Variants in PARVB observed in about 807,000 individuals in gnomAD.
PARVB encodes the protein beta-parvin.
A neutral mutation model predicts 47.0 loss-of-function variants in PARVB; 46 were observed. That is an observed-to-expected ratio of 0.98 (90% CI 0.77 to 1.25). The LOEUF is 1.25. PARVB is among the 50% of genes most tolerant of loss of function. The probability of loss-of-function intolerance (pLI) is 0.00; values close to 1 mark genes in which losing one functional copy is unlikely to be tolerated. For synonymous variants in PARVB, 196 were observed against 196.3 expected, an observed-to-expected ratio of 1.00 and a Z score of 0.01; for missense variants, 473 against 471.6, an observed-to-expected ratio of 1.00 and a Z score of -0.03.
Position 44,136,523 on chromosome 22 carries a change from G to A in PARVB, c.692+5G>A. The A allele has an allele frequency of 6.2e-7, 1 of 1,613,316 alleles. No homozygotes were observed. The highest frequency in any genetic ancestry group is 8.5e-7 in the Non-Finnish European group (1 of 1,179,310). Reference sequence around the variant, plus strand: ...GGAGCTGACCACAACTACAGAGTAAGTGGACCCCTGTCTTGCCCTTCCAGG... The same window carrying A: ...GGAGCTGACCACAACTACAGAGTAAATGGACCCCTGTCTTGCCCTTCCAGG... On this transcript the variant is annotated splice_donor_5th_base_variant and intron_variant, in intron 7 of 12. Coordinates refer to ENST00000338758, the MANE Select transcript of PARVB (RefSeq NM_013327.5).
intron 9 of PARVB, chr22:44,148,351 G>A (rs1301038883): frequency 4.4e-6 from 1 of 227,040 alleles, no homozygotes; most frequent in East Asian, 1.0e-4. Context: ...CAGAGAATGG[G>A]CCCTCACTAG....
intron 3 of PARVB, among the ~76,000 whole-genome samples, chr22:44,102,553 A>AG (rs139564281): frequency 6.6e-6 from 1 of 152,098 alleles, no homozygotes; most frequent in Non-Finnish European, 1.5e-5. Flanking sequence ...AGAGAGGTGA[A>AG]GGGGCTGGGC....
At chr22:44,137,578 A>G (rs1214391781) in intron 7 of PARVB, among the ~76,000 whole-genome samples, 1 of 152,190 alleles carries the variant, frequency 6.6e-6, no homozygotes, top group African/African-American at 2.4e-5. Flanking sequence ...TGGGTCAGCA[A>G]TTTAGGCTGG....
At chr22:44,026,610 C>T (rs1489056088) in intron 1 of PARVB, among the ~76,000 whole-genome samples, 1 of 152,196 alleles carries the variant, frequency 6.6e-6, no homozygotes, top group Admixed American at 6.5e-5. Context: ...TGGCAACATG[C>T]GCTTCTGCCA....
intron 8 of PARVB, chr22:44,144,471 TAAG>T (rs1178200892): frequency 6.6e-6 from 1 of 152,162 alleles, no homozygotes; most frequent in East Asian, 1.9e-4. Context: ...AGCCAGAAGT[TAAG>T]AACTTTTGGA....
At chr22:44,160,247 A>C (rs2054023552) in intron 11 of PARVB, among the ~76,000 whole-genome samples, 1 of 152,134 alleles carries the variant, frequency 6.6e-6, no homozygotes, top group South Asian at 2.1e-4. Flanking sequence ...GGAGACGTGG[A>C]GATCTTTCCT....
chr22:43,999,789 G>A (rs2050393037), intron 2 of PARVB: 2 of 454,316 alleles, frequency 4.4e-6, no homozygotes, highest in Non-Finnish European at 4.1e-6. Flanking sequence ...TTGAGCCCAG[G>A]AATTTGAGAC....
chr22:44,164,466 G>A (rs1601709844), intron 12 of PARVB, among the ~76,000 whole-genome samples: 1 of 150,940 alleles, frequency 6.6e-6, no homozygotes, highest in East Asian at 2.0e-4. Context: ...ACCTGAGTGA[G>A]CATCACAGTT....
chr22:44,023,081 G>C (rs1049661809), upstream of PARVB, among the ~76,000 whole-genome samples: 10 of 152,100 alleles, frequency 6.6e-5, no homozygotes, highest in Non-Finnish European at 7.4e-5. Context: ...GGGGCTTCTG[G>C]CTGTGAGCAT....
In PARVB at chr22:44,131,397, C is replaced by G. The variant is rs766522647; in HGVS notation, c.377-90C>G. The G allele has an allele frequency of 4.5e-4, 649 of 1,426,708 alleles. 1 individual carries two copies. The highest frequency in any genetic ancestry group is 4.6e-4 in the Non-Finnish European group (478 of 1,036,974). The allele number at this position is 1,426,708 out of a possible 1,614,324, so 88.4% of individuals were successfully genotyped here. ...CCTGAAGTGATTCACCCACCTCGGCCTCTCAAACTGCTGGGATTACAGGCA... is the reference window on the plus strand; with the variant it reads ...CCTGAAGTGATTCACCCACCTCGGCGTCTCAAACTGCTGGGATTACAGGCA... On this transcript the variant is annotated intron_variant, in intron 4 of 12. Transcript: ENST00000338758.
chr22:44,026,716 C>A (rs769718667), intron 1 of PARVB, among the ~76,000 whole-genome samples: 6 of 152,166 alleles, frequency 3.9e-5, no homozygotes, highest in Non-Finnish European at 7.3e-5. Flanking sequence ...GAGGTTTCCA[C>A]GACCCTGCCT....
intron 2 of PARVB, among the ~76,000 whole-genome samples, chr22:44,001,175 G>A (rs1569042266): frequency 1.3e-5 from 2 of 152,124 alleles, no homozygotes; most frequent in South Asian, 2.1e-4. Flanking sequence ...GCGTGAACCC[G>A]GGAGGCGGAG....
rs1466204583 is a variant in PARVB at position 44,119,122 on chromosome 22, G to A, written c.358G>A (p.Val120Met). 1.2e-6 allele frequency: 2 copies of A among 1,613,188 alleles called. No individual in the cohort carries two copies. The highest frequency in any genetic ancestry group is 1.7e-6 in the Non-Finnish European group (2 of 1,179,138). ...GGAGGAAGACCTGTATGACGGCCAG[G>A]TGCTGCAGAAGCTCTTGGGTGAGTT... Reference protein sequence around the residue: ...QLEEDLYDGQVLQKLLEKLAG... With the variant: ...QLEEDLYDGQMLQKLLEKLAG... Residue 120 changes from valine to methionine, a missense_variant, in exon 4 of 13, where the codon GTG becomes ATG. Val to Met is a conservative substitution (Grantham distance 21). Coordinates refer to ENST00000338758, the MANE Select transcript of PARVB (RefSeq NM_013327.5).
At chr22:44,096,269 C>T (rs972934806) in intron 2 of PARVB, among the ~76,000 whole-genome samples, 2 of 152,108 alleles carry the variant, frequency 1.3e-5, no homozygotes, top group South Asian at 2.1e-4. Context: ...TGGTGGCACA[C>T]GCCTATAGTC....
In PARVB at chr22:44,168,871, C is replaced by T. The variant is rs2054233148; in HGVS notation, c.*193C>T. ...TTGGTTGTTGTTCTTAATCTCCTCT[C>T]CATGTAGTTCCCAGTGGGCAAGAGC... On this transcript the variant is annotated 3_prime_UTR_variant, in exon 13 of 13. Coordinates refer to ENST00000338758, the MANE Select transcript of PARVB (RefSeq NM_013327.5). 3 of 561,474 alleles carry T rather than the reference C, an allele frequency of 5.3e-6. No homozygotes were observed. The highest frequency in any genetic ancestry group is 6.4e-6 in the Non-Finnish European group (2 of 314,102). The allele number at this position is 561,474 out of a possible 1,614,324, so 34.8% of individuals were successfully genotyped here.
chr22:44,034,101 A>G (rs531618213), intron 1 of PARVB, among the ~76,000 whole-genome samples: 82 of 151,120 alleles, frequency 5.4e-4, no homozygotes, highest in African/African-American at 1.9e-3. Flanking sequence ...ACATACAAAT[A>G]AAAATATATA....
At chr22:44,122,614 T>G in intron 4 of PARVB, among the ~76,000 whole-genome samples, 1 of 136,264 alleles carries the variant, frequency 7.3e-6, no homozygotes. Context: ...GAGAGAGGTC[T>G]CACTGCTTTC....
At chr22:44,151,434 C>A (rs1020514488) in intron 9 of PARVB, 49 bp from the exon 10 acceptor site, 1 of 1,416,492 alleles carries the variant, frequency 7.1e-7, no homozygotes, top group Non-Finnish European at 1.0e-6. Flanking sequence ...CCAGATGGGA[C>A]CTGCATGCGG....
intron 3 of PARVB, chr22:44,106,476 A>G (rs567346192): frequency 2.0e-5 from 3 of 152,132 alleles, no homozygotes; most frequent in Non-Finnish European, 4.4e-5. Context: ...GAAGCAGATG[A>G]TTTTAGTGCA....
Sources: gnomAD v4.1 joint callset for allele counts (sites outside exome capture counted in the v4.1 genomes callset) on GRCh38, gnomAD v4.1.1 for gene constraint, MANE v1.5 for transcripts, NCBI Gene and HGNC (gene_info 2026-07-23, HGNC 2026-07-21) for gene names.